The following AOAH variants were observed in gnomAD, a reference collection of about 807,000 sequenced individuals.
AOAH encodes acyloxyacyl hydrolase.
In AOAH, 64 loss-of-function variants were observed where a neutral mutation model predicts 92.2. That is an observed-to-expected ratio of 0.69 (90% CI 0.57 to 0.86). The LOEUF (loss-of-function observed/expected upper bound fraction) is 0.86, where lower values mean the gene tolerates loss of function less well. AOAH is among the 40% of genes least tolerant of loss of function. AOAH has a pLI of 0.00. For synonymous variants in AOAH, 263 were observed against 254.5 expected, an observed-to-expected ratio of 1.03 and a Z score of -0.32; for missense variants, 656 against 694.6, an observed-to-expected ratio of 0.94 and a Z score of 0.62.
At chr7:36,615,281 A>T (rs1357077686) in intron 11 of AOAH, among the ~76,000 whole-genome samples, 2 of 126,224 alleles carry the variant, frequency 1.6e-5, no homozygotes, top group East Asian at 2.1e-4. Context: ...TAATTTAAAA[A>T]TTTATTTTTT....
chr7:36,633,754 G>C (rs532160948), intron 5 of AOAH, among the ~76,000 whole-genome samples: 1 of 152,158 alleles, frequency 6.6e-6, no homozygotes, highest in African/African-American at 2.4e-5. Context: ...GTCTCTAGGC[G>C]TGGGAAGATG....
intron 15 of AOAH, among the ~76,000 whole-genome samples, chr7:36,544,035 C>T (rs972610815): frequency 1.5e-4 from 23 of 148,960 alleles, no homozygotes; most frequent in Admixed American, 2.0e-4. Flanking sequence ...CAACCTCTGC[C>T]TCCCGGGTTC....
intron 1 of AOAH, among the ~76,000 whole-genome samples, chr7:36,718,417 T>A (rs566513695): frequency 6.6e-6 from 1 of 152,204 alleles, no homozygotes; most frequent in South Asian, 2.1e-4. Context: ...ATGTTAAAGA[T>A]GGTATTACCG....
At chr7:36,606,851 C>T (rs188469194) in intron 11 of AOAH, among the ~76,000 whole-genome samples, 12 of 152,254 alleles carry the variant, frequency 7.9e-5, no homozygotes, top group Admixed American at 5.2e-4. Context: ...TTTCTTGTGG[C>T]GTGAGAAGGT....
intron 10 of AOAH, among the ~76,000 whole-genome samples, chr7:36,617,769 G>T (rs1344838766): frequency 6.6e-6 from 1 of 152,218 alleles, no homozygotes; most frequent in Non-Finnish European, 1.5e-5. Context: ...TGCCATCTGG[G>T]CACTTAGAGC....
At chr7:36,518,426 T>C (rs187164790) in intron 20 of AOAH, among the ~76,000 whole-genome samples, 1 of 152,294 alleles carries the variant, frequency 6.6e-6, no homozygotes, top group Admixed American at 6.5e-5. Context: ...TGCCATCAGA[T>C]GGATGCAAGC....
chr7:36,693,626 T>C (rs1455199166), intron 1 of AOAH, among the ~76,000 whole-genome samples: 3 of 152,206 alleles, frequency 2.0e-5, no homozygotes, highest in East Asian at 3.8e-4. Flanking sequence ...TTTCCTGTGA[T>C]ACTTCAAGTT....
At position 36,724,335 on chromosome 7, in the gene AOAH, ACACT is replaced by A; in HGVS notation, c.-191_-188del. ...GTGAAGTGAATAAAAGCACACATAA[ACACT>A]CACAGACCCACAGCTTGCTCTTGTT... On this transcript the variant is annotated 5_prime_UTR_variant, in exon 1 of 21. Coordinates refer to ENST00000617537, the MANE Select transcript of AOAH (RefSeq NM_001637.4). 1.9e-6 allele frequency: 1 copy of A among 526,450 alleles called. No individual in the cohort carries two copies. Among genetic ancestry groups the A allele is most frequent in the East Asian group, 4.0e-5 (1 of 24,744 alleles). 32.6% of individuals were successfully genotyped at this position (526,450 alleles called of 1,614,324 possible).
At chr7:36,684,646 G>A (rs1032798625) in intron 2 of AOAH, among the ~76,000 whole-genome samples, 3 of 151,982 alleles carry the variant, frequency 2.0e-5, no homozygotes, top group African/African-American at 7.2e-5. Context: ...TGGCACAGTG[G>A]CTCACAACAC....
At position 36,596,220 on chromosome 7, in the gene AOAH, T is replaced by G. The variant is rs185494545; in HGVS notation, c.847-1790A>C. On this transcript the variant is annotated intron_variant, in intron 11 of 20. Coordinates refer to ENST00000617537, the MANE Select transcript of AOAH (RefSeq NM_001637.4). ...GATAACTCTTGTGAGATAACCACGGTTAACAGTTTGTGTCATATATAAAAC... is the reference window on the plus strand; with the variant it reads ...GATAACTCTTGTGAGATAACCACGGGTAACAGTTTGTGTCATATATAAAAC... Among the ~76,000 whole-genome samples the G allele has an allele frequency of 1.3e-3, 189 of 142,630 alleles. 1 individual carries two copies. The highest frequency in any genetic ancestry group is 5.4e-3 in the Admixed American group (73 of 13,640). The allele number at this position is 142,630 out of a possible 152,430, so 93.6% of individuals were successfully genotyped here.
chr7:36,651,408 C>G (rs1794569450), intron 4 of AOAH, among the ~76,000 whole-genome samples: 1 of 152,046 alleles, frequency 6.6e-6, no homozygotes, highest in Non-Finnish European at 1.5e-5. Flanking sequence ...GTCCTACAGA[C>G]TTGGGATAGT....
At chr7:36,624,696 C>T (rs565851563) in intron 6 of AOAH, among the ~76,000 whole-genome samples, 41 of 152,326 alleles carry the variant, frequency 2.7e-4, no homozygotes, top group Non-Finnish European at 5.1e-4. Context: ...CCTTCAGTGA[C>T]TCTACCTCTA....
intron 1 of AOAH, among the ~76,000 whole-genome samples, chr7:36,717,015 A>C (rs1035256031): frequency 6.7e-6 from 1 of 150,062 alleles, no homozygotes; most frequent in Admixed American, 6.6e-5. Flanking sequence ...TAAATAAATA[A>C]ATAAAAAAGC....
chr7:36,708,627 T>G (rs1242039340), intron 1 of AOAH, among the ~76,000 whole-genome samples: 1 of 152,202 alleles, frequency 6.6e-6, no homozygotes, highest in Non-Finnish European at 1.5e-5. Context: ...TTTTTTGTTG[T>G]TGAAAACTGG....
At chr7:36,630,157 C>A (rs921419120) in intron 6 of AOAH, among the ~76,000 whole-genome samples, 1 of 152,204 alleles carries the variant, frequency 6.6e-6, no homozygotes, top group East Asian at 1.9e-4. Context: ...TTAGAAGGAG[C>A]GTGGCCCTGC....
chr7:36,695,631 A>C (rs1797664228), intron 1 of AOAH, among the ~76,000 whole-genome samples: 1 of 152,186 alleles, frequency 6.6e-6, no homozygotes, highest in Non-Finnish European at 1.5e-5. Flanking sequence ...TATTCTCCTA[A>C]GTGCCACACT....
intron 11 of AOAH, chr7:36,599,792 C>A (rs548673716): frequency 1.3e-5 from 2 of 152,386 alleles, no homozygotes; most frequent in Non-Finnish European, 2.9e-5. Flanking sequence ...GCTCCTCCTC[C>A]GTCTGTCCTG....
chr7:36,646,165 T>C (rs1279227602), intron 4 of AOAH, among the ~76,000 whole-genome samples: 1 of 152,220 alleles, frequency 6.6e-6, no homozygotes, highest in Non-Finnish European at 1.5e-5. Context: ...CCAAACATCG[T>C]ATAGAGTTTA....
At position 36,616,384 on chromosome 7, in the gene AOAH, G is replaced by A; in HGVS notation, c.842C>T (p.Ser281Phe). 1.2e-6 allele frequency: 2 copies of A among 1,613,166 alleles called. No individual in the cohort carries two copies. The highest frequency in any genetic ancestry group is 1.7e-6 in the Non-Finnish European group (2 of 1,179,160). ...SPEWITASQM[S>F]LNSFINLPTA... ...ATTACTGCCAAAATTACTTACCAAA[G>A]ACATCTGCGACGCTGTGATCCATTC... is the stretch of plus-strand genomic sequence containing the variant. The change falls in exon 11 of 21, where the codon TCT becomes TTT. Residue 281 changes from serine (S) to phenylalanine (F), a missense_variant. Transcript: ENST00000617537.
Sources: allele counts gnomAD v4.1 joint callset (sites outside exome capture counted in the v4.1 genomes callset), GRCh38; gene constraint gnomAD v4.1.1; transcripts MANE v1.5; gene names NCBI Gene and HGNC (gene_info 2026-07-23, HGNC 2026-07-21).